The following PIEZO2 variants were observed in gnomAD, a reference collection of about 807,000 sequenced individuals.
PIEZO2 encodes the protein piezo type mechanosensitive ion channel component 2.
PIEZO2 carries 172 observed loss-of-function variants against 337.3 expected under a neutral mutation model. The observed-to-expected ratio is 0.51, with a 90% CI of 0.45 to 0.58. The LOEUF is 0.58. PIEZO2 is among the 20% of genes least tolerant of loss of function. The pLI is 0.00. For synonymous variants in PIEZO2, 1,251 were observed against 1,228.5 expected, an observed-to-expected ratio of 1.02 and a Z score of -0.38; for missense variants, 3,028 against 3,391.3, an observed-to-expected ratio of 0.89 and a Z score of 2.66.
chr18:10,797,566 G>T (rs980486975), intron 11 of PIEZO2, 44 bp from the exon 12 acceptor site: 33 of 1,532,572 alleles, frequency 2.2e-5, no homozygotes, highest in Non-Finnish European at 2.9e-5. Context: ...GCAAACATGT[G>T]ACATTTGTAT....
At chr18:10,956,052 T>G (rs1294664205) in intron 3 of PIEZO2, among the ~76,000 whole-genome samples, 2 of 152,160 alleles carry the variant, frequency 1.3e-5, no homozygotes, top group Non-Finnish European at 2.9e-5. Flanking sequence ...TCCATTATTA[T>G]TAGTATTTTA....
chr18:10,938,082 C>T (rs79342203), intron 3 of PIEZO2, among the ~76,000 whole-genome samples: 6,085 of 152,248 alleles, frequency 0.04, 175 homozygotes, highest in Non-Finnish European at 0.058. Flanking sequence ...ATGTAAAGAT[C>T]TCATTTTAGA....
Position 10,791,254 on chromosome 18 carries a change from T to A in PIEZO2, c.1829A>T (p.Lys610Met). Residue 610 changes from lysine (K) to methionine (M), a missense_variant, in exon 14 of 56, where the codon AAG (lysine) becomes ATG (methionine). Transcript: ENST00000674853. ...HLTEQKALQE[K>M]EALLSEVKIG... ...TTTGACTTCCGATAAAAGAGCTTCCTTTTCTTGCAGAGCTTTTTGCTCTGT... is the reference window on the plus strand; with the variant it reads ...TTTGACTTCCGATAAAAGAGCTTCCATTTCTTGCAGAGCTTTTTGCTCTGT... 1 of 1,536,392 alleles carries A rather than the reference T, an allele frequency of 6.5e-7. No individual in the cohort carries two copies. The highest frequency in any genetic ancestry group is 8.7e-7 in the Non-Finnish European group (1 of 1,146,414).
At chr18:10,914,487 G>A (rs535118659) in intron 3 of PIEZO2, among the ~76,000 whole-genome samples, 2 of 152,130 alleles carry the variant, frequency 1.3e-5, no homozygotes, top group East Asian at 1.9e-4. Context: ...ATCATCTGTA[G>A]ATTAATTATA....
chr18:10,777,357 T>C (rs925003382), intron 18 of PIEZO2, among the ~76,000 whole-genome samples: 1 of 152,204 alleles, frequency 6.6e-6, no homozygotes, highest in African/African-American at 2.4e-5. Context: ...TGTTTCTCCA[T>C]TTGTGACTCT....
chr18:10,774,677 C>T (rs563446327), intron 18 of PIEZO2, among the ~76,000 whole-genome samples: 1 of 151,696 alleles, frequency 6.6e-6, no homozygotes, highest in South Asian at 2.1e-4. Flanking sequence ...CCTTCTCCTA[C>T]AGTTTTTTTT....
chr18:10,880,036 C>CGGTATT (rs1319771433), intron 4 of PIEZO2, among the ~76,000 whole-genome samples: 2 of 152,138 alleles, frequency 1.3e-5, no homozygotes, highest in African/African-American at 4.8e-5. Flanking sequence ...ATACAATTAA[C>CGGTATT]GGTATTGGTA....
intron 1 of PIEZO2, among the ~76,000 whole-genome samples, chr18:11,121,712 G>A (rs1177347142): frequency 6.6e-6 from 1 of 152,164 alleles, no homozygotes; most frequent in Non-Finnish European, 1.5e-5. Flanking sequence ...CAGTCTGAAA[G>A]GTCAAAGTCT....
chr18:10,883,788 G>C (rs2042492508), intron 4 of PIEZO2, among the ~76,000 whole-genome samples: 1 of 139,900 alleles, frequency 7.1e-6, no homozygotes, highest in Non-Finnish European at 1.5e-5. Context: ...GTAAGTATCA[G>C]TTTACCCTGT....
chr18:10,978,125 A>T (rs1026266688), intron 3 of PIEZO2, among the ~76,000 whole-genome samples: 18 of 152,318 alleles, frequency 1.2e-4, no homozygotes, highest in East Asian at 1.2e-3. Context: ...GATCGAGACC[A>T]TACTGGCTAA....
intron 2 of PIEZO2, among the ~76,000 whole-genome samples, chr18:11,064,312 A>G (rs545169859): frequency 6.6e-6 from 1 of 152,332 alleles, no homozygotes; most frequent in South Asian, 2.1e-4. Context: ...AAATGGAGAA[A>G]GAGGAAAATA....
intron 2 of PIEZO2, among the ~76,000 whole-genome samples, chr18:10,995,090 A>G (rs1241982672): frequency 2.6e-5 from 4 of 151,572 alleles, no homozygotes; most frequent in Non-Finnish European, 5.9e-5. Context: ...AAAAAAAAAA[A>G]AAAAAAGAAA....
intron 5 of PIEZO2, among the ~76,000 whole-genome samples, chr18:10,869,265 T>C (rs147424531): frequency 2.0e-5 from 3 of 152,216 alleles, no homozygotes; most frequent in Non-Finnish European, 4.4e-5. Flanking sequence ...GCGGCCTCCA[T>C]GTCTGACTTC....
intron 2 of PIEZO2, among the ~76,000 whole-genome samples, chr18:11,062,478 C>G (rs1017424888): frequency 2.6e-5 from 4 of 152,234 alleles, no homozygotes; most frequent in Admixed American, 2.6e-4. Context: ...AGGCAACCTA[C>G]AAAATGGGAG....
At chr18:10,799,577 GGTC>G (rs2039729761) in intron 11 of PIEZO2, among the ~76,000 whole-genome samples, 1 of 152,070 alleles carries the variant, frequency 6.6e-6, no homozygotes, top group South Asian at 2.1e-4. Flanking sequence ...TAGTAATAGT[GGTC>G]TCCTTCAACA....
Position 10,677,133 on chromosome 18 carries a change from GC to G in PIEZO2, c.8081+613del, listed in dbSNP as rs1459183623. ...AAGAATAATGTCTGTCTCAATGGAA[GC>G]CCCAGCGGGCCAGCACTTTCCATGC... On this transcript the variant is annotated intron_variant, in intron 53 of 55. Transcript: ENST00000674853. The surrounding 1 kb of genome is among the most constrained non-coding windows in gnomAD (Gnocchi z 4.1). Among the ~76,000 whole-genome samples, 2 of 152,190 alleles carry G rather than the reference GC, an allele frequency of 1.3e-5. No individual in the cohort carries two copies. The highest frequency in any genetic ancestry group is 3.9e-4 in the East Asian group (2 of 5,186).
intron 1 of PIEZO2, among the ~76,000 whole-genome samples, chr18:11,134,896 T>C (rs1268193172): frequency 6.6e-6 from 1 of 152,160 alleles, no homozygotes; most frequent in East Asian, 1.9e-4. Flanking sequence ...TGGTGAAGAA[T>C]GGAGAATCAA....
At chr18:10,960,401 A>G (rs1049894877) in intron 3 of PIEZO2, among the ~76,000 whole-genome samples, 1 of 152,194 alleles carries the variant, frequency 6.6e-6, no homozygotes, top group Admixed American at 6.5e-5. Flanking sequence ...TTAATACTCA[A>G]TTATTTTCAT....
rs140272304 is a variant in PIEZO2, at chr18:11,102,853, G to T, written c.65-36631C>A. Among the ~76,000 whole-genome samples the T allele has an allele frequency of 5.7e-3, 864 of 152,298 alleles. 3 individuals carry two copies. Among genetic ancestry groups the T allele is most frequent in the Non-Finnish European group, 0.01 (705 of 68,014 alleles). ...GGCCTCCTCTCCCTCCCAGGAGGCTGCCCCGTCCCCAAGGCACAGCACTTT... is the reference window on the plus strand; with the variant it reads ...GGCCTCCTCTCCCTCCCAGGAGGCTTCCCCGTCCCCAAGGCACAGCACTTT... On this transcript the variant is annotated intron_variant, in intron 1 of 55. Transcript: ENST00000674853. This position sits in a 1 kb window ranked among gnomAD's most constrained non-coding sequence, Gnocchi z 5.7.
Sources: gnomAD v4.1 joint callset for allele counts (sites outside exome capture counted in the v4.1 genomes callset) on GRCh38, gnomAD v4.1.1 for gene constraint, Gnocchi (gnomAD v3.1) non-coding constraint, MANE v1.5 for transcripts, NCBI Gene and HGNC (gene_info 2026-07-23, HGNC 2026-07-21) for gene names.